GASK1B: variants seen among roughly 807,000 people sequenced by gnomAD.
GASK1B encodes the protein Golgi-associated kinase 1B.
GASK1B carries 34 observed loss-of-function variants against 42.8 expected under a neutral mutation model. That is an observed-to-expected ratio of 0.79 (90% CI 0.60 to 1.06). The LOEUF is 1.06. Ranked by LOEUF, GASK1B falls within the 50% of genes least tolerant of loss-of-function variation. The pLI is 0.00. For synonymous variants in GASK1B, 262 were observed against 259.1 expected, an observed-to-expected ratio of 1.01 and a Z score of -0.11; for missense variants, 686 against 661.0, an observed-to-expected ratio of 1.04 and a Z score of -0.42.
chr4:158,167,162 G>A (rs1038122988), intron 2 of GASK1B: 4 of 152,200 alleles, frequency 2.6e-5, no homozygotes, highest in African/African-American at 9.6e-5. Context: ...ACAACATTTA[G>A]GGTAGATTAC....
intron 3 of GASK1B, among the ~76,000 whole-genome samples, chr4:158,137,357 A>G (rs1730936246): frequency 6.6e-6 from 1 of 151,084 alleles, no homozygotes; most frequent in Non-Finnish European, 1.5e-5. Context: ...TTTAGAAAAA[A>G]GTTCCATTTT....
intron 3 of GASK1B, among the ~76,000 whole-genome samples, chr4:158,155,150 G>A (rs949112267): frequency 6.6e-6 from 1 of 152,148 alleles, no homozygotes; most frequent in African/African-American, 2.4e-5. Flanking sequence ...CATTAAAACA[G>A]AACTTAAGAT....
At chr4:158,148,297 A>T (rs1215245212) in intron 3 of GASK1B, among the ~76,000 whole-genome samples, 1 of 152,188 alleles carries the variant, frequency 6.6e-6, no homozygotes, top group Admixed American at 6.5e-5. Context: ...CACCCCATCA[A>T]CATCTACAAG....
chr4:158,164,709 G>C (rs1022171690), intron 2 of GASK1B, among the ~76,000 whole-genome samples: 1 of 152,142 alleles, frequency 6.6e-6, no homozygotes, highest in Non-Finnish European at 1.5e-5. Flanking sequence ...CAGTATGTTC[G>C]CAAGTTGTGA....
intron 3 of GASK1B, among the ~76,000 whole-genome samples, chr4:158,139,134 G>A (rs1309241531): frequency 6.6e-6 from 1 of 152,096 alleles, no homozygotes; most frequent in Non-Finnish European, 1.5e-5. Context: ...GAGATAAAAC[G>A]AGTGACTCGT....
At chr4:158,146,554 C>T (rs182248605) in intron 3 of GASK1B, among the ~76,000 whole-genome samples, 14 of 152,134 alleles carry the variant, frequency 9.2e-5, no homozygotes, top group African/African-American at 1.9e-4. Flanking sequence ...TCTCTATATA[C>T]GCACCATTAT....
intron 4 of GASK1B, among the ~76,000 whole-genome samples, chr4:158,128,837 A>G (rs188019424): frequency 5.6e-4 from 85 of 152,350 alleles, no homozygotes; most frequent in African/African-American, 1.8e-3. Context: ...AGACATTACT[A>G]TATAGTTTAG....
chr4:158,168,056 C>T (rs1732296306), intron 2 of GASK1B, among the ~76,000 whole-genome samples: 1 of 152,232 alleles, frequency 6.6e-6, no homozygotes, highest in Admixed American at 6.5e-5. Flanking sequence ...GTATTCATAA[C>T]TATATGAAAT....
chr4:158,145,254 G>C (rs923064067), intron 3 of GASK1B, among the ~76,000 whole-genome samples: 3 of 152,130 alleles, frequency 2.0e-5, no homozygotes, highest in African/African-American at 7.2e-5. Flanking sequence ...GGAGAAAGCA[G>C]GACAAAGATG....
At position 158,130,958 on chromosome 4, in the gene GASK1B, C is replaced by T. The variant is rs375911358; in HGVS notation, c.1180G>A (p.Ala394Thr). The T allele has an allele frequency of 1.2e-6, 2 of 1,613,956 alleles. No individual in the cohort carries two copies. Among genetic ancestry groups the T allele is most frequent in the African/African-American group, 2.7e-5 (2 of 74,922 alleles). ...CCGFRPRKED[A>T]CVQNGLRPKC... ...GGCCTCAATCCATTCTGTACACAGG[C>T]ATCTTCCTTGCGAGGTCTGAATCCA... The change falls in exon 4 of 5, where the codon GCC (alanine) becomes ACC (threonine). Residue 394 changes from alanine to threonine, a missense_variant. Ala to Thr is a moderately conservative substitution (Grantham distance 58). Coordinates refer to ENST00000585682, the MANE Select transcript of GASK1B (RefSeq NM_001128424.2).
Position 158,127,383 on chromosome 4 carries a change from C to A in GASK1B, c.*24G>T. On this transcript the variant is annotated 3_prime_UTR_variant, in exon 5 of 5. Transcript: ENST00000585682. ...ACCAAAAATGCATAAATATATCTAACACCCTAGCCAGAAGATTCTTTTGTC... is the reference window on the plus strand; with the variant it reads ...ACCAAAAATGCATAAATATATCTAAAACCCTAGCCAGAAGATTCTTTTGTC... The A allele has an allele frequency of 6.3e-7, 1 of 1,596,066 alleles. No homozygotes were observed.
chr4:158,160,154 A>G (rs1465433463), intron 2 of GASK1B, among the ~76,000 whole-genome samples: 1 of 152,202 alleles, frequency 6.6e-6, no homozygotes, highest in Non-Finnish European at 1.5e-5. Context: ...AACAAAAGCC[A>G]GTCAAACTTG....
At chr4:158,165,252 T>C (rs1422351003) in intron 2 of GASK1B, among the ~76,000 whole-genome samples, 1 of 152,196 alleles carries the variant, frequency 6.6e-6, no homozygotes, top group African/African-American at 2.4e-5. Flanking sequence ...GAACGGTGCT[T>C]GGTTTTCTCT....
intron 3 of GASK1B, among the ~76,000 whole-genome samples, chr4:158,149,565 G>C (rs2346780): frequency 0.93 from 140,903 of 152,234 alleles, 65,483 homozygotes; most frequent in East Asian, 0.98. Context: ...GACTTCACTG[G>C]CAGGTTCAAA....
At chr4:158,166,941 G>T (rs1365856063) in intron 2 of GASK1B, among the ~76,000 whole-genome samples, 1 of 152,042 alleles carries the variant, frequency 6.6e-6, no homozygotes, top group African/African-American at 2.4e-5. Flanking sequence ...ATTTTTGCTG[G>T]ACAACTAACT....
chr4:158,138,912 T>C (rs1731009552), intron 3 of GASK1B, among the ~76,000 whole-genome samples: 1 of 152,214 alleles, frequency 6.6e-6, no homozygotes, highest in Admixed American at 6.5e-5. Context: ...CATATACATA[T>C]AGAATTTTCC....
chr4:158,149,163 T>C (rs1409542466), intron 3 of GASK1B, among the ~76,000 whole-genome samples: 4 of 152,214 alleles, frequency 2.6e-5, no homozygotes, highest in Non-Finnish European at 4.4e-5. Context: ...CACTATTTTA[T>C]GGCAAAGTGC....
At chr4:158,133,573 G>T (rs1190295032) in intron 3 of GASK1B, among the ~76,000 whole-genome samples, 1 of 152,120 alleles carries the variant, frequency 6.6e-6, no homozygotes, top group East Asian at 1.9e-4. Flanking sequence ...CAGTACTTCT[G>T]TAAACATTAT....
At chr4:158,136,381 A>G (rs1458955336) in intron 3 of GASK1B, among the ~76,000 whole-genome samples, 5 of 152,180 alleles carry the variant, frequency 3.3e-5, no homozygotes, top group African/African-American at 1.2e-4. Context: ...TAAAAAAAAA[A>G]GCTAAAAATT....
Sources: allele counts gnomAD v4.1 joint callset (sites outside exome capture counted in the v4.1 genomes callset), GRCh38; gene constraint gnomAD v4.1.1; transcripts MANE v1.5; gene names NCBI Gene and HGNC (gene_info 2026-07-23, HGNC 2026-07-21).